PLEKHB2: variants seen among roughly 807,000 people sequenced by gnomAD.
The protein encoded by PLEKHB2 is pleckstrin homology domain-containing family B member 2.
Under a neutral mutation model 36.5 loss-of-function variants are expected in PLEKHB2, and 31 were observed. The ratio of observed to expected loss-of-function variants is 0.85; its 90% CI spans 0.64 to 1.15. The LOEUF (loss-of-function observed/expected upper bound fraction) is 1.15, where lower values mean the gene tolerates loss of function less well. Among genes scored for constraint, PLEKHB2 ranks in the 50% most tolerant of loss-of-function variants. The pLI, the probability that PLEKHB2 is intolerant of heterozygous loss-of-function variation, is 0.00. For synonymous variants in PLEKHB2, 119 were observed against 112.0 expected, an observed-to-expected ratio of 1.06 and a Z score of -0.39; for missense variants, 262 against 295.3, an observed-to-expected ratio of 0.89 and a Z score of 0.83.
chr2:131,137,385 G>A (rs552059552), intron 6 of PLEKHB2, among the ~76,000 whole-genome samples: 11 of 152,332 alleles, frequency 7.2e-5, no homozygotes, highest in Non-Finnish European at 1.2e-4. Flanking sequence ...CCTCCTCCCT[G>A]TATCCTCACA....
intron 1 of PLEKHB2, among the ~76,000 whole-genome samples, chr2:131,113,944 G>C (rs947895895): frequency 1.2e-4 from 19 of 152,192 alleles, no homozygotes; most frequent in Non-Finnish European, 2.2e-4. Context: ...CAATTTCTGA[G>C]TCTGTTTTTA....
At chr2:131,118,593 C>T (rs1477527943) in intron 1 of PLEKHB2, among the ~76,000 whole-genome samples, 3 of 152,186 alleles carry the variant, frequency 2.0e-5, no homozygotes, top group South Asian at 2.1e-4. Context: ...AGGCCAGGCG[C>T]GGTGGCTCAT....
At chr2:131,106,895 C>G (rs933499084) in intron 1 of PLEKHB2, among the ~76,000 whole-genome samples, 4 of 152,106 alleles carry the variant, frequency 2.6e-5, no homozygotes, top group African/African-American at 9.7e-5. Flanking sequence ...AACCTGACAG[C>G]GGTTCTTTGC....
At chr2:131,108,162 C>G (rs1207821139) in intron 1 of PLEKHB2, 1 of 152,190 alleles carries the variant, frequency 6.6e-6, no homozygotes, top group Non-Finnish European at 1.5e-5. Flanking sequence ...CTGTCAGATT[C>G]CAAAGGCAGT....
intron 4 of PLEKHB2, among the ~76,000 whole-genome samples, chr2:131,130,273 G>A (rs976847608): frequency 6.6e-6 from 1 of 151,910 alleles, no homozygotes; most frequent in Non-Finnish European, 1.5e-5. Context: ...TGAACTCCTG[G>A]GCTCAAGTGA....
intron 1 of PLEKHB2, among the ~76,000 whole-genome samples, chr2:131,110,786 T>C (rs1695229078): frequency 6.6e-6 from 1 of 152,190 alleles, no homozygotes. Flanking sequence ...ATCCTTTATA[T>C]ATGCTTTTTT....
chr2:131,117,087 AC>A (rs1330141444), intron 1 of PLEKHB2, among the ~76,000 whole-genome samples: 1 of 151,778 alleles, frequency 6.6e-6, no homozygotes, highest in East Asian at 1.9e-4. Flanking sequence ...GTGCCATTGC[AC>A]TCCAGTCTGA....
chr2:131,138,673 T>G (rs1355741273), intron 6 of PLEKHB2, among the ~76,000 whole-genome samples: 2 of 152,194 alleles, frequency 1.3e-5, no homozygotes, highest in Non-Finnish European at 2.9e-5. Context: ...CCACCCTGTC[T>G]GAGAAGAGGA....
Position 131,133,234 on chromosome 2 carries a change from T to TTAA in PLEKHB2, c.423+245_423+247dup, listed in dbSNP as rs201405341. On this transcript the variant is annotated intron_variant, in intron 6 of 7. Coordinates refer to ENST00000693505, the MANE Select transcript of PLEKHB2 (RefSeq NM_001100623.2). ...AAGATAGATCTAAAAATGCATCATG[T>TTAA]TAATGATAGTTGCCTTGGGTAATGA... is the stretch of plus-strand genomic sequence containing the variant. Among the ~76,000 whole-genome samples, 1,456 of 152,338 alleles carry TTAA rather than the reference T, an allele frequency of 9.6e-3. 9 individuals are homozygous for TTAA. Among genetic ancestry groups the TTAA allele is most frequent in the Non-Finnish European group, 0.014 (952 of 68,032 alleles).
chr2:131,126,071 C>T (rs374814686), intron 3 of PLEKHB2, among the ~76,000 whole-genome samples, 166 bp downstream of exon 3: 10 of 152,292 alleles, frequency 6.6e-5, no homozygotes, highest in African/African-American at 2.4e-4. Flanking sequence ...TTATGAACCA[C>T]ATGGTCGGGA....
intron 5 of PLEKHB2, among the ~76,000 whole-genome samples, chr2:131,131,760 T>C (rs962183886): frequency 3.6e-5 from 5 of 140,284 alleles, no homozygotes; most frequent in East Asian, 2.8e-4. Flanking sequence ...AAATCCCCCT[T>C]TTTTTTTTTT....
intron 1 of PLEKHB2, among the ~76,000 whole-genome samples, chr2:131,109,066 C>G (rs1185014909): frequency 1.3e-5 from 2 of 152,174 alleles, no homozygotes; most frequent in African/African-American, 4.8e-5. Context: ...ACTGCAGTGG[C>G]TCATACCTGT....
intron 7 of PLEKHB2, chr2:131,144,384 G>A: frequency 8.3e-7 from 1 of 1,206,140 alleles, no homozygotes; most frequent in Non-Finnish European, 1.0e-6. Context: ...CCTTTGGTTG[G>A]AGTCTTCTAT....
intron 3 of PLEKHB2, 97 bp downstream of exon 3, chr2:131,126,002 A>G: frequency 8.4e-7 from 1 of 1,197,408 alleles, no homozygotes; most frequent in South Asian, 1.4e-5. Context: ...TTTCATTAAC[A>G]GATTGAAGAA....
chr2:131,115,041 AG>A (rs1695714380), intron 1 of PLEKHB2, among the ~76,000 whole-genome samples: 1 of 152,194 alleles, frequency 6.6e-6, no homozygotes, highest in Admixed American at 6.5e-5. Flanking sequence ...TAAAGGAAGG[AG>A]GTTTAGTTGA....
At chr2:131,126,576 T>C in intron 3 of PLEKHB2, 108 bp from the exon 4 acceptor site, 3 of 707,356 alleles carry the variant, frequency 4.2e-6, no homozygotes, top group East Asian at 2.7e-5. Context: ...TTCATAGATG[T>C]AGCACTTGAT....
intron 4 of PLEKHB2, among the ~76,000 whole-genome samples, chr2:131,129,579 A>G (rs1427288220): frequency 6.6e-6 from 1 of 152,160 alleles, no homozygotes; most frequent in Non-Finnish European, 1.5e-5. Context: ...ATCTCCGCTC[A>G]TTGCAACCTC....
chr2:131,141,553 T>C (rs1392256439), intron 7 of PLEKHB2, among the ~76,000 whole-genome samples: 2 of 145,284 alleles, frequency 1.4e-5, no homozygotes, highest in African/African-American at 5.2e-5. Context: ...GGCTGCAGGA[T>C]GGCATGAACC....
In PLEKHB2 at chr2:131,131,464, A is replaced by G. The variant is rs562618268; in HGVS notation, c.333+704A>G. On this transcript the variant is annotated intron_variant, in intron 5 of 7. Transcript: ENST00000693505. Reference sequence around the variant, plus strand: ...TCTGGCCTTAGGAGGTCACTGAGACAGTGAACCTCATTTGTAGAGCCTCGT... The same window carrying G: ...TCTGGCCTTAGGAGGTCACTGAGACGGTGAACCTCATTTGTAGAGCCTCGT... Among the ~76,000 whole-genome samples the G allele has an allele frequency of 2.0e-5, 3 of 152,322 alleles. No individual in the cohort carries two copies. The South Asian group carries it at 6.2e-4, about 32-fold the overall frequency.
Sources: allele counts gnomAD v4.1 joint callset (sites outside exome capture counted in the v4.1 genomes callset), GRCh38; gene constraint gnomAD v4.1.1; transcripts MANE v1.5; gene names NCBI Gene and HGNC (gene_info 2026-07-23, HGNC 2026-07-21).